The following KIF6 variants were observed in gnomAD, a reference collection of about 807,000 sequenced individuals.
KIF6 encodes kinesin family member 6.
Under a neutral mutation model 112.7 loss-of-function variants are expected in KIF6, and 106 were observed. The observed-to-expected ratio is 0.94, with a 90% CI of 0.80 to 1.11. KIF6 has a LOEUF of 1.11. KIF6 is among the 50% of genes least tolerant of loss of function. The pLI is 0.00. For missense variants in KIF6, 929 were observed against 964.0 expected (o/e 0.96, Z 0.48); for synonymous variants, 339 against 339.9 (o/e 1.00, Z 0.03).
chr6:39,344,101 G>A (rs761572581), intron 21 of KIF6, among the ~76,000 whole-genome samples: 8 of 152,162 alleles, frequency 5.3e-5, no homozygotes, highest in Non-Finnish European at 1.0e-4. Context: ...TCCACGTGTT[G>A]TGGGAGGGAC....
chr6:39,679,211 T>C (rs1350197304), intron 3 of KIF6, among the ~76,000 whole-genome samples: 1 of 152,206 alleles, frequency 6.6e-6, no homozygotes, highest in Non-Finnish European at 1.5e-5. Flanking sequence ...CCTACTTGTG[T>C]GGAAAACAGT....
intron 13 of KIF6, among the ~76,000 whole-genome samples, chr6:39,452,544 G>A (rs1772773935): frequency 6.6e-6 from 1 of 152,158 alleles, no homozygotes; most frequent in Non-Finnish European, 1.5e-5. Context: ...GTTACAAACA[G>A]TTAGTCTCTG....
intron 3 of KIF6, among the ~76,000 whole-genome samples, chr6:39,678,458 A>C (rs1410781296): frequency 6.6e-6 from 1 of 152,262 alleles, no homozygotes; most frequent in Non-Finnish European, 1.5e-5. Flanking sequence ...GATTTAAAAT[A>C]CAGGCCAGGC....
intron 3 of KIF6, among the ~76,000 whole-genome samples, chr6:39,653,557 G>A (rs1785595899): frequency 6.6e-6 from 1 of 152,168 alleles, no homozygotes; most frequent in East Asian, 1.9e-4. Context: ...TTCCTTTGAT[G>A]CCTGACATCT....
intron 6 of KIF6, among the ~76,000 whole-genome samples, chr6:39,609,012 G>A (rs936482646): frequency 5.3e-4 from 80 of 152,304 alleles, no homozygotes; most frequent in African/African-American, 1.9e-3. Context: ...ATCCCTAGAA[G>A]GTGGGTATTA....
chr6:39,389,768 T>C (rs888254783), intron 15 of KIF6, among the ~76,000 whole-genome samples: 7 of 152,146 alleles, frequency 4.6e-5, no homozygotes, highest in Admixed American at 6.5e-5. Context: ...TGGTGGTTCA[T>C]GCCTGTAATC....
intron 10 of KIF6, among the ~76,000 whole-genome samples, chr6:39,569,339 T>A (rs1780518699): frequency 6.6e-6 from 1 of 152,254 alleles, no homozygotes; most frequent in Admixed American, 6.5e-5. Flanking sequence ...TTGTTTCATT[T>A]GATTTTTAAA....
At chr6:39,719,276 G>A (rs1582525847) in intron 2 of KIF6, among the ~76,000 whole-genome samples, 4 of 151,894 alleles carry the variant, frequency 2.6e-5, no homozygotes. Context: ...CCAAGACTGC[G>A]CCATTGCACT....
Position 39,583,674 on chromosome 6 carries a change from C to CTTTTTTT in KIF6, c.1077+1217_1077+1223dup, listed in dbSNP as rs564229262. On this transcript the variant is annotated intron_variant, in intron 9 of 22. Coordinates refer to ENST00000287152, the MANE Select transcript of KIF6 (RefSeq NM_145027.6). ...AAACACTGTTGGTAGGATTTCACTT[C>CTTTTTTT]TTTTTTTTTTTTTTTTTTTTTTTTT... is the stretch of plus-strand genomic sequence containing the variant. Among the ~76,000 whole-genome samples, 26 of 71,704 alleles carry CTTTTTTT rather than the reference C, an allele frequency of 3.6e-4. 8 individuals carry two copies. Among genetic ancestry groups the CTTTTTTT allele is most frequent in the Non-Finnish European group, 5.1e-4 (18 of 35,236 alleles). 47.0% of individuals were successfully genotyped at this position (71,704 alleles called of 152,430 possible).
chr6:39,694,125 T>TAA (rs35365821), intron 3 of KIF6, among the ~76,000 whole-genome samples: 2,217 of 146,100 alleles, frequency 0.015, 36 homozygotes, highest in African/African-American at 0.044. Flanking sequence ...CCCTTCATGG[T>TAA]AAAAAAAAAA....
At chr6:39,476,300 C>T (rs1774424545) in intron 13 of KIF6, among the ~76,000 whole-genome samples, 1 of 151,866 alleles carries the variant, frequency 6.6e-6, no homozygotes, top group Non-Finnish European at 1.5e-5. Context: ...CCATCCTCCA[C>T]TTAACTAGCT....
chr6:39,629,446 A>C (rs1213329449), intron 5 of KIF6, among the ~76,000 whole-genome samples: 1 of 152,072 alleles, frequency 6.6e-6, no homozygotes, highest in Non-Finnish European at 1.5e-5. Context: ...TTCATACGCT[A>C]TTTGCCATAT....
At chr6:39,419,169 C>T (rs1251334120) in intron 15 of KIF6, among the ~76,000 whole-genome samples, 9 of 151,888 alleles carry the variant, frequency 5.9e-5, no homozygotes, top group Admixed American at 3.9e-4. Context: ...GCCTAGCCAA[C>T]GTGGTGAAAC....
At chr6:39,405,032 T>A (rs1321557389) in intron 15 of KIF6, among the ~76,000 whole-genome samples, 1 of 151,898 alleles carries the variant, frequency 6.6e-6, no homozygotes, top group Non-Finnish European at 1.5e-5. Context: ...ATTACTAGAA[T>A]GTAGGAATAT....
chr6:39,582,068 A>G (rs11758101), intron 9 of KIF6, among the ~76,000 whole-genome samples: 11,635 of 152,224 alleles, frequency 0.076, 502 homozygotes, highest in South Asian at 0.17. Flanking sequence ...CAATCTATAC[A>G]GAATGAAAAT....
At chr6:39,337,219 C>CTTTCTT (rs1562102881) in intron 22 of KIF6, among the ~76,000 whole-genome samples, 2 of 95,464 alleles carry the variant, frequency 2.1e-5, no homozygotes, top group Non-Finnish European at 3.6e-5. Flanking sequence ...TTCTTTCTTT[C>CTTTCTT]TTTCTTTCTT....
intron 3 of KIF6, among the ~76,000 whole-genome samples, chr6:39,696,464 G>A (rs1582470356): frequency 6.6e-6 from 1 of 152,080 alleles, no homozygotes; most frequent in African/African-American, 2.4e-5. Flanking sequence ...GGGAGAAGGA[G>A]CTTGAGTCCC....
chr6:39,608,293 T>C (rs1179227160), intron 6 of KIF6, among the ~76,000 whole-genome samples: 1 of 152,186 alleles, frequency 6.6e-6, no homozygotes, highest in Non-Finnish European at 1.5e-5. Context: ...AAGTTGAAAA[T>C]GCATTTAATA....
chr6:39,555,494 G>A (rs1437921839), intron 10 of KIF6, among the ~76,000 whole-genome samples: 2 of 152,132 alleles, frequency 1.3e-5, no homozygotes, highest in Non-Finnish European at 2.9e-5. Context: ...TAGGAGTAGG[G>A]GTGGGGGAGG....
Sources: allele counts gnomAD v4.1 joint callset (sites outside exome capture counted in the v4.1 genomes callset), GRCh38; gene constraint gnomAD v4.1.1; transcripts MANE v1.5; gene names NCBI Gene and HGNC (gene_info 2026-07-23, HGNC 2026-07-21).